The following RORB variants were observed in gnomAD, a reference collection of about 807,000 sequenced individuals.
RORB encodes the protein RAR related orphan receptor B.
A neutral mutation model predicts 59.1 loss-of-function variants in RORB; 6 were observed. That is an observed-to-expected ratio of 0.10 (90% CI 0.06 to 0.20). The LOEUF (loss-of-function observed/expected upper bound fraction) is 0.20, where lower values mean the gene tolerates loss of function less well. RORB is among the 10% of genes least tolerant of loss of function. RORB has a pLI of 1.00. For synonymous variants in RORB, 215 were observed against 204.5 expected, an observed-to-expected ratio of 1.05 and a Z score of -0.44; for missense variants, 320 against 560.5, an observed-to-expected ratio of 0.57 and a Z score of 4.33.
chr9:74,628,359 A>C (rs553929936), intron 1 of RORB, among the ~76,000 whole-genome samples: 1 of 152,282 alleles, frequency 6.6e-6, no homozygotes, highest in South Asian at 2.1e-4. Flanking sequence ...GGAATTTAAA[A>C]CTGTAATCTT....
chr9:74,661,864 G>C (rs7042400), intron 5 of RORB, among the ~76,000 whole-genome samples: 96,754 of 151,286 alleles, frequency 0.64, 31,309 homozygotes, highest in East Asian at 0.89. Context: ...CCAGGATGGT[G>C]TCGATCTCCT....
chr9:74,568,349 G>A (rs989075261), intron 1 of RORB, among the ~76,000 whole-genome samples: 5 of 151,890 alleles, frequency 3.3e-5, no homozygotes, highest in African/African-American at 9.7e-5. Context: ...CACCTAAAAT[G>A]ATGAAAATTA....
intron 1 of RORB, among the ~76,000 whole-genome samples, chr9:74,542,611 C>A (rs1001367178): frequency 1.3e-5 from 2 of 152,180 alleles, no homozygotes; most frequent in African/African-American, 2.4e-5. Context: ...AGATACTCTG[C>A]AGTTTTTCAC....
intron 1 of RORB, among the ~76,000 whole-genome samples, chr9:74,569,344 G>A (rs952949627): frequency 1.8e-4 from 27 of 151,894 alleles, no homozygotes; most frequent in Non-Finnish European, 1.0e-4. Flanking sequence ...CAAAGACATT[G>A]GGAATGTAAA....
intron 1 of RORB, among the ~76,000 whole-genome samples, chr9:74,560,455 A>G (rs1382135845): frequency 6.6e-6 from 1 of 152,016 alleles, no homozygotes; most frequent in Non-Finnish European, 1.5e-5. Flanking sequence ...CCAACTCTAA[A>G]CCAGGTTATT....
chr9:74,502,481 T>G (rs960242564), intron 1 of RORB, among the ~76,000 whole-genome samples: 2 of 152,096 alleles, frequency 1.3e-5, no homozygotes, highest in African/African-American at 4.8e-5. Context: ...TATATGGTTT[T>G]TAGACCTCTC....
Position 74,686,258 on chromosome 9 carries a change from T to C in RORB, c.*640T>C, listed in dbSNP as rs988933181. 3 of 152,646 alleles carry C rather than the reference T, an allele frequency of 2.0e-5. No homozygotes were observed. Among genetic ancestry groups the C allele is most frequent in the Non-Finnish European group, 4.4e-5 (3 of 68,036 alleles). The allele number at this position is 152,646 out of a possible 1,614,324, so 9.5% of individuals were successfully genotyped here. ...TTTATGTTAGACAATCAGGATTTTG[T>C]TTTCCCAGCCAGAGTTTTCATCTAT... is the stretch of plus-strand genomic sequence containing the variant. On this transcript the variant is annotated 3_prime_UTR_variant, in exon 10 of 10. Coordinates refer to ENST00000376896, the MANE Select transcript of RORB (RefSeq NM_006914.4).
chr9:74,510,375 G>T (rs1253201911), intron 1 of RORB, among the ~76,000 whole-genome samples: 1 of 152,092 alleles, frequency 6.6e-6, no homozygotes, highest in Non-Finnish European at 1.5e-5. Flanking sequence ...CTCCATTTTA[G>T]ATATAGTGGT....
chr9:74,601,458 C>T lies in RORB; in HGVS notation c.8-28824C>T, dbSNP rs370995377. On this transcript the variant is annotated intron_variant, in intron 1 of 9. Coordinates refer to ENST00000376896, the MANE Select transcript of RORB (RefSeq NM_006914.4). ...TCCCCTCACATGCCTAACCATCTCC[C>T]CAAGGCAATCAGTTTTACCAGTTTC... 1.8e-4 allele frequency among the ~76,000 whole-genome samples: 28 copies of T among 151,604 alleles called. No individual in the cohort carries two copies. In the East Asian group the frequency reaches 2.5e-3, roughly 14 times the overall value.
chr9:74,641,744 T>TA lies in RORB; in HGVS notation c.236-656dup, dbSNP rs748036194. 4.6e-3 allele frequency among the ~76,000 whole-genome samples: 643 copies of TA among 139,092 alleles called. 4 individuals are homozygous for TA. Among genetic ancestry groups the TA allele is most frequent in the East Asian group, 0.014 (69 of 4,866 alleles). The allele number at this position is 139,092 out of a possible 152,430, so 91.2% of individuals were successfully genotyped here. A position where few individuals can be genotyped will look rare whatever the true frequency, so the allele number is the denominator to read the frequency against. On this transcript the variant is annotated intron_variant, in intron 3 of 9. Transcript: ENST00000376896. ...AGCAAGGCCCCGGCTCTACAAAAAT[T>TA]AAAAAAAAAAAAAATAGCTGGACCT... is the stretch of plus-strand genomic sequence containing the variant.
At chr9:74,638,951 C>T (rs1025559813) in intron 3 of RORB, among the ~76,000 whole-genome samples, 2 of 152,188 alleles carry the variant, frequency 1.3e-5, no homozygotes, top group Non-Finnish European at 2.9e-5. Context: ...ATTTCAGTTG[C>T]TCAGTGACCT....
At chr9:74,634,439 C>A (rs1682503148) in intron 2 of RORB, among the ~76,000 whole-genome samples, 192 bp from the exon 3 acceptor site, 1 of 152,212 alleles carries the variant, frequency 6.6e-6, no homozygotes, top group Non-Finnish European at 1.5e-5. Context: ...ATGATACCCT[C>A]ATATCTTTGC....
rs540575408 is a variant in RORB, at chr9:74,559,365, C to T, written c.7+61382C>T. 2.6e-5 allele frequency among the ~76,000 whole-genome samples: 4 copies of T among 152,276 alleles called. No individual in the cohort carries two copies. In the South Asian group the frequency reaches 8.3e-4, roughly 32 times the overall value. On this transcript the variant is annotated intron_variant, in intron 1 of 9. Coordinates refer to ENST00000376896, the MANE Select transcript of RORB (RefSeq NM_006914.4). The stretch of plus-strand genomic sequence containing the variant: ...GGTACAGAAATTAATGGAAGGCAGA[C>T]ACGTTTGACCTAGCTGCTCCTGCCA...
intron 1 of RORB, among the ~76,000 whole-genome samples, chr9:74,585,400 A>G (rs1822782836): frequency 6.6e-6 from 1 of 152,254 alleles, no homozygotes; most frequent in Admixed American, 6.5e-5. Context: ...AACATATTCT[A>G]TATAAAACCC....
intron 1 of RORB, among the ~76,000 whole-genome samples, chr9:74,618,886 T>C (rs768863143): frequency 6.6e-6 from 1 of 152,210 alleles, no homozygotes; most frequent in African/African-American, 2.4e-5. Flanking sequence ...GAATCCTTGG[T>C]CTTTTCAAGT....
chr9:74,648,126 T>G (rs1200483182), intron 4 of RORB, among the ~76,000 whole-genome samples: 1 of 152,142 alleles, frequency 6.6e-6, no homozygotes, highest in Non-Finnish European at 1.5e-5. Flanking sequence ...TAGACCAAAC[T>G]TGCAAGAAAA....
chr9:74,589,659 C>T (rs1257316743), intron 1 of RORB, among the ~76,000 whole-genome samples: 1 of 152,066 alleles, frequency 6.6e-6, no homozygotes, highest in Non-Finnish European at 1.5e-5. Context: ...TTCATGTAAA[C>T]AAAATTTAAA....
At chr9:74,614,995 C>T (rs118037960) in intron 1 of RORB, among the ~76,000 whole-genome samples, 2,754 of 152,238 alleles carry the variant, frequency 0.018, 44 homozygotes, top group Non-Finnish European at 0.025. Flanking sequence ...TGCTCAGGCT[C>T]TCTTGCTGCT....
chr9:74,500,459 G>A (rs563625754), intron 1 of RORB, among the ~76,000 whole-genome samples: 1 of 152,230 alleles, frequency 6.6e-6, no homozygotes, highest in East Asian at 1.9e-4. Context: ...GCTTTCGCTC[G>A]TGCAGGGCTA....
Sources: gnomAD v4.1 joint callset for allele counts (sites outside exome capture counted in the v4.1 genomes callset) on GRCh38, gnomAD v4.1.1 for gene constraint, MANE v1.5 for transcripts, NCBI Gene and HGNC (gene_info 2026-07-23, HGNC 2026-07-21) for gene names.